The following RCAN1 variants were observed in gnomAD, a reference collection of about 807,000 sequenced individuals.
The protein encoded by RCAN1 is regulator of calcineurin 1.
RCAN1 carries 11 observed loss-of-function variants against 22.9 expected under a neutral mutation model. That is an observed-to-expected ratio of 0.48 (90% CI 0.30 to 0.79). RCAN1 has a LOEUF of 0.79. RCAN1 is among the 30% of genes least tolerant of loss of function. RCAN1 has a pLI of 0.06. For synonymous variants in RCAN1, 136 were observed against 142.3 expected, an observed-to-expected ratio of 0.96 and a Z score of 0.32; for missense variants, 291 against 337.8, an observed-to-expected ratio of 0.86 and a Z score of 1.09.
chr21:34,523,869 A>T (rs1601132062), intron 1 of RCAN1, 159 bp from the exon 2 acceptor site: 1 of 494,324 alleles, frequency 2.0e-6, no homozygotes, highest in Admixed American at 3.5e-5. Context: ...TGCAACCTCC[A>T]CCTCCCAGGT....
At chr21:34,543,343 G>A (rs763567167) in intron 1 of RCAN1, among the ~76,000 whole-genome samples, 16 of 152,296 alleles carry the variant, frequency 1.1e-4, no homozygotes, top group East Asian at 3.9e-4. Flanking sequence ...GGCTGGAGTC[G>A]GAGATGGAGA....
chr21:34,518,326 G>A lies in RCAN1; in HGVS notation c.587-70C>T, dbSNP rs1984203443. ...GGAGTCAAAAGGCAAACATAAAAGA[G>A]CATTCAGGGCTCTGCTGGGCCAGCT... On this transcript the variant is annotated intron_variant, in intron 3 of 3. Transcript: ENST00000313806. This position sits in a 1 kb window ranked among gnomAD's most constrained non-coding sequence, Gnocchi z 4.2. The A allele has an allele frequency of 3.9e-6, 6 of 1,521,486 alleles. No homozygotes were observed. In the South Asian group the frequency reaches 6.0e-5, roughly 15 times the overall value. 94.2% of individuals were successfully genotyped at this position (1,521,486 alleles called of 1,614,324 possible). A position where few individuals can be genotyped will look rare whatever the true frequency, so the allele number is the denominator to read the frequency against.
At position 34,614,997 on chromosome 21, in the gene RCAN1, C is replaced by A; in HGVS notation, c.15G>T (p.Val5=). MEDG[V]AGPQLGAAAE... is the part of the protein sequence containing the mutation. ...CCGCGGCCCCGAGCTGGGGACCGGC[C>A]ACGCCGTCCTCCATCCCCGCGCCCG... The change falls in exon 1 of 4, where the codon GTG becomes GTT. Residue 5 remains valine, a synonymous_variant. Coordinates refer to ENST00000313806, the MANE Select transcript of RCAN1 (RefSeq NM_004414.7). This position sits in a 1 kb window ranked among gnomAD's most constrained non-coding sequence, Gnocchi z 6.0. 1 of 1,088,022 alleles carries A rather than the reference C, an allele frequency of 9.2e-7. No individual in the cohort carries two copies. 67.4% of individuals were successfully genotyped at this position (1,088,022 alleles called of 1,614,324 possible).
intron 1 of RCAN1, among the ~76,000 whole-genome samples, chr21:34,562,251 G>A (rs904779278): frequency 6.6e-6 from 1 of 152,224 alleles, no homozygotes; most frequent in African/African-American, 2.4e-5. Context: ...GATTTACTCT[G>A]CAGTGACATC....
intron 1 of RCAN1, among the ~76,000 whole-genome samples, chr21:34,585,991 C>G (rs1373170416): frequency 6.6e-6 from 1 of 152,018 alleles, no homozygotes; most frequent in East Asian, 1.9e-4. Flanking sequence ...CAGGCTGATA[C>G]AACAATCCTA....
intron 1 of RCAN1, among the ~76,000 whole-genome samples, chr21:34,538,938 T>C (rs1181232390): frequency 1.3e-5 from 2 of 152,176 alleles, no homozygotes; most frequent in South Asian, 4.1e-4. Flanking sequence ...GGCTCCAGAC[T>C]TGCACCCTAA....
intron 1 of RCAN1, among the ~76,000 whole-genome samples, chr21:34,528,712 T>C (rs909300369): frequency 6.6e-6 from 1 of 152,176 alleles, no homozygotes; most frequent in African/African-American, 2.4e-5. Context: ...CTCCAACTCT[T>C]TGTCTCCCCC....
chr21:34,575,013 C>T (rs984640994), intron 1 of RCAN1, among the ~76,000 whole-genome samples: 3 of 152,054 alleles, frequency 2.0e-5, no homozygotes, highest in Non-Finnish European at 4.4e-5. Context: ...CAGAACTGCA[C>T]GGGCAGATGG....
intron 1 of RCAN1, among the ~76,000 whole-genome samples, chr21:34,529,891 A>G (rs144430106): frequency 0.025 from 3,797 of 152,280 alleles, 123 homozygotes; most frequent in African/African-American, 0.07. Flanking sequence ...GTGATAGTGA[A>G]TAAGTCTCAC....
At chr21:34,608,633 G>A (rs983021044) in intron 1 of RCAN1, among the ~76,000 whole-genome samples, 2 of 152,144 alleles carry the variant, frequency 1.3e-5, no homozygotes, top group African/African-American at 4.8e-5. Context: ...GGGGCACCAG[G>A]CTAAGCCATC....
chr21:34,561,143 A>G (rs976018689), intron 1 of RCAN1, among the ~76,000 whole-genome samples: 4 of 152,092 alleles, frequency 2.6e-5, no homozygotes, highest in African/African-American at 9.7e-5. Flanking sequence ...GCCTTCCTCC[A>G]TGATTGTAAG....
intron 1 of RCAN1, chr21:34,613,913 TG>T: frequency 7.6e-7 from 1 of 1,308,698 alleles, no homozygotes; most frequent in Non-Finnish European, 1.0e-6. Flanking sequence ...GCTCTCCTAA[TG>T]GGGCATCTCT....
At chr21:34,563,897 C>G (rs377088492) in intron 1 of RCAN1, among the ~76,000 whole-genome samples, 1 of 148,096 alleles carries the variant, frequency 6.8e-6, no homozygotes, top group Non-Finnish European at 1.5e-5. Flanking sequence ...ACTAGGGAGG[C>G]GGAGGTTGCA....
At chr21:34,607,062 G>C (rs1044375413) in intron 1 of RCAN1, among the ~76,000 whole-genome samples, 1 of 152,108 alleles carries the variant, frequency 6.6e-6, no homozygotes, top group African/African-American at 2.4e-5. Flanking sequence ...CTCTCTCTTT[G>C]GCATTAATTA....
intron 1 of RCAN1, among the ~76,000 whole-genome samples, chr21:34,599,040 C>T (rs1469011293): frequency 6.6e-6 from 1 of 152,066 alleles, no homozygotes; most frequent in African/African-American, 2.4e-5. Context: ...GGAACTCATG[C>T]GATGCTGGGG....
At chr21:34,590,833 T>C (rs911886921) in intron 1 of RCAN1, among the ~76,000 whole-genome samples, 15 of 152,214 alleles carry the variant, frequency 9.9e-5, no homozygotes, top group African/African-American at 2.9e-4. Context: ...AGCTATGTCA[T>C]AGTTGAAATA....
chr21:34,582,303 C>T (rs2268264), intron 1 of RCAN1, among the ~76,000 whole-genome samples: 114,556 of 152,016 alleles, frequency 0.75, 43,359 homozygotes, highest in East Asian at 0.92. Context: ...ACACAGACAA[C>T]AGGCAATTAT....
At chr21:34,557,138 G>A (rs61225272) in intron 1 of RCAN1, among the ~76,000 whole-genome samples, 36,740 of 151,946 alleles carry the variant, frequency 0.24, 5,170 homozygotes, top group African/African-American at 0.39. Context: ...TCTTGAACCC[G>A]GGAGGCGGAG....
At chr21:34,555,354 A>C (rs998228421) in intron 1 of RCAN1, among the ~76,000 whole-genome samples, 14 of 152,198 alleles carry the variant, frequency 9.2e-5, no homozygotes, top group Admixed American at 2.0e-4. Context: ...ATTTTTGTTA[A>C]GTGTCCTTAT....
Sources: gnomAD v4.1 joint callset for allele counts (sites outside exome capture counted in the v4.1 genomes callset) on GRCh38, gnomAD v4.1.1 for gene constraint, Gnocchi (gnomAD v3.1) non-coding constraint, MANE v1.5 for transcripts, NCBI Gene and HGNC (gene_info 2026-07-23, HGNC 2026-07-21) for gene names.